Variants in GMDS observed in about 807,000 individuals in gnomAD.
The protein encoded by GMDS is GDP-mannose 4,6-dehydratase, also known as GDP-mannose 4,6 dehydratase.
GMDS carries 20 observed loss-of-function variants against 49.9 expected under a neutral mutation model. That is an observed-to-expected ratio of 0.40 (90% CI 0.28 to 0.58). The LOEUF (loss-of-function observed/expected upper bound fraction) is 0.58. Among genes scored for constraint, GMDS ranks in the 20% least tolerant of loss-of-function variants. The probability of loss-of-function intolerance (pLI) is 0.42; values close to 1 mark genes in which losing one functional copy is unlikely to be tolerated. For missense variants in GMDS, 362 were observed against 481.4 expected, an observed-to-expected ratio of 0.75 and a Z score of 2.32; for synonymous variants, 177 against 178.6, an observed-to-expected ratio of 0.99 and a Z score of 0.07.
intron 4 of GMDS, among the ~76,000 whole-genome samples, chr6:2,061,359 G>C (rs1771150254): frequency 6.6e-6 from 1 of 152,132 alleles, no homozygotes; most frequent in Admixed American, 6.5e-5. Flanking sequence ...AAAGAGGAAA[G>C]CATTTTTCCA....
chr6:1,672,937 C>T (rs1293589686), intron 9 of GMDS, among the ~76,000 whole-genome samples: 1 of 152,186 alleles, frequency 6.6e-6, no homozygotes, highest in Non-Finnish European at 1.5e-5. Flanking sequence ...CATCTAATTG[C>T]TGGCTGTGCA....
intron 7 of GMDS, among the ~76,000 whole-genome samples, chr6:1,763,572 T>C (rs558517650): frequency 1.3e-5 from 2 of 152,364 alleles, no homozygotes; most frequent in African/African-American, 4.8e-5. Context: ...ATGACAATTA[T>C]GCAACTGCTC....
chr6:1,935,884 A>G (rs987530663), intron 6 of GMDS, among the ~76,000 whole-genome samples: 1 of 152,182 alleles, frequency 6.6e-6, no homozygotes, highest in African/African-American at 2.4e-5. Context: ...TACTATTCCT[A>G]TTTTGTTAAA....
chr6:1,977,318 T>G (rs1378262899), intron 4 of GMDS, among the ~76,000 whole-genome samples: 1 of 152,204 alleles, frequency 6.6e-6, no homozygotes, highest in Non-Finnish European at 1.5e-5. Context: ...TAAATGAGCC[T>G]CTCTAAGCCT....
At chr6:2,037,587 C>A (rs117086824) in intron 4 of GMDS, among the ~76,000 whole-genome samples, 2,975 of 152,272 alleles carry the variant, frequency 0.02, 138 homozygotes, top group East Asian at 0.12. Context: ...AGAAACCAAA[C>A]ATCGGTGATG....
chr6:2,072,782 T>C (rs1252313137), intron 4 of GMDS, among the ~76,000 whole-genome samples: 2 of 152,144 alleles, frequency 1.3e-5, no homozygotes, highest in Non-Finnish European at 2.9e-5. Flanking sequence ...AATAACAACA[T>C]TTTCACTTTG....
chr6:2,025,037 TACA>T (rs1400285832), intron 4 of GMDS, among the ~76,000 whole-genome samples: 4 of 152,068 alleles, frequency 2.6e-5, no homozygotes, highest in South Asian at 4.2e-4. Flanking sequence ...ATGATAATCA[TACA>T]ACAAGGAGAA....
At chr6:1,959,809 C>A (rs749378443) in intron 6 of GMDS, 58 bp downstream of exon 6, 5 of 995,542 alleles carry the variant, frequency 5.0e-6, no homozygotes, top group Admixed American at 2.1e-5. Context: ...AATAGACATG[C>A]AACTTGTTGT....
At chr6:1,785,558 C>T (rs867537401) in intron 7 of GMDS, among the ~76,000 whole-genome samples, 5 of 152,180 alleles carry the variant, frequency 3.3e-5, no homozygotes, top group African/African-American at 1.2e-4. Flanking sequence ...GCCACGTGGG[C>T]CCCCTTGGGC....
intron 9 of GMDS, among the ~76,000 whole-genome samples, chr6:1,683,224 C>A (rs1284178720): frequency 6.6e-6 from 1 of 152,108 alleles, no homozygotes; most frequent in Non-Finnish European, 1.5e-5. Flanking sequence ...CCCGGGTTCA[C>A]ACCATTCTCC....
chr6:2,071,091 C>G (rs1409601560), intron 4 of GMDS, among the ~76,000 whole-genome samples: 1 of 152,170 alleles, frequency 6.6e-6, no homozygotes, highest in African/African-American at 2.4e-5. Context: ...TGCTCTGTCT[C>G]TTGTCCACAT....
chr6:2,241,025 T>C (rs891940366), intron 1 of GMDS, among the ~76,000 whole-genome samples: 7 of 152,178 alleles, frequency 4.6e-5, no homozygotes, highest in African/African-American at 1.7e-4. Context: ...CAGGTGCTAA[T>C]AGTCAGAACA....
chr6:1,647,835 G>A (rs1333159857), intron 9 of GMDS, among the ~76,000 whole-genome samples: 1 of 152,136 alleles, frequency 6.6e-6, no homozygotes, highest in South Asian at 2.1e-4. Flanking sequence ...TCAGCATCCG[G>A]ACCTACCGAC....
At position 1,881,396 on chromosome 6, in the gene GMDS, G is replaced by T. The variant is rs182132696; in HGVS notation, c.771+48707C>A. ...CCTCTCCCCCAAAAAATCATTAAAA[G>T]ATTAAAAAGAAAGAAAGATTGAAAA... On this transcript the variant is annotated intron_variant, in intron 7 of 10. Transcript: ENST00000380815. Among the ~76,000 whole-genome samples, 4 of 152,222 alleles carry T rather than the reference G, an allele frequency of 2.6e-5. No homozygotes were observed. In the East Asian group the frequency reaches 7.7e-4, roughly 29 times the overall value.
intron 1 of GMDS, among the ~76,000 whole-genome samples, chr6:2,178,948 A>T (rs1778402493): frequency 6.6e-6 from 1 of 152,226 alleles, no homozygotes; most frequent in Non-Finnish European, 1.5e-5. Context: ...AGAACAGAAT[A>T]ATTTGAAATC....
In GMDS at chr6:1,877,644, T is replaced by C. The variant is rs9405520; in HGVS notation, c.771+52459A>G. Among the ~76,000 whole-genome samples the C allele has an allele frequency of 1.5e-3, 136 of 90,510 alleles. 1 individual carries two copies. In the East Asian group the frequency reaches 0.015, roughly 10 times the overall value. 59.4% of individuals were successfully genotyped at this position (90,510 alleles called of 152,430 possible). On this transcript the variant is annotated intron_variant, in intron 7 of 10. Transcript: ENST00000380815. ...CAGAGTGAGACCCCATCTCAAAAAT[T>C]AAAAAAAAAAAAAAAAAAAAAAAGA...
At chr6:2,196,978 T>C (rs1416748717) in intron 1 of GMDS, among the ~76,000 whole-genome samples, 1 of 152,188 alleles carries the variant, frequency 6.6e-6, no homozygotes, top group Admixed American at 6.5e-5. Flanking sequence ...AAAAAGCCAG[T>C]GAAAATTTAA....
chr6:1,728,328 G>C (rs1029778794), intron 8 of GMDS, among the ~76,000 whole-genome samples: 27 of 152,146 alleles, frequency 1.8e-4, no homozygotes. Flanking sequence ...AAGTATATTT[G>C]TATTTCACAG....
chr6:2,159,157 A>T lies in GMDS; in HGVS notation c.103-34426T>A, dbSNP rs1396267283. ...AACTTTGGGGATACATATTAAATTT[A>T]GGCCAAAAAAGTTATTTTTAAAAAT... On this transcript the variant is annotated intron_variant, in intron 1 of 10. Coordinates refer to ENST00000380815, the MANE Select transcript of GMDS (RefSeq NM_001500.4). 2.6e-5 allele frequency among the ~76,000 whole-genome samples: 4 copies of T among 152,232 alleles called. 1 individual carries two copies. The highest frequency in any genetic ancestry group is 2.6e-4 in the Admixed American group (4 of 15,284).
Sources: allele counts gnomAD v4.1 joint callset (sites outside exome capture counted in the v4.1 genomes callset), GRCh38; gene constraint gnomAD v4.1.1; transcripts MANE v1.5; gene names NCBI Gene and HGNC (gene_info 2026-07-23, HGNC 2026-07-21).